The following PSD3 variants were observed in gnomAD, a reference collection of about 807,000 sequenced individuals.
The protein encoded by PSD3 is pleckstrin and Sec7 domain containing 3.
A neutral mutation model predicts 105.5 loss-of-function variants in PSD3; 49 were observed. The ratio of observed to expected loss-of-function variants is 0.46; its 90% CI spans 0.37 to 0.59. PSD3 has a LOEUF of 0.59. Among genes scored for constraint, PSD3 ranks in the 20% least tolerant of loss-of-function variants. The pLI is 0.00. For missense variants in PSD3, 1,561 were observed against 1,263.8 expected, an observed-to-expected ratio of 1.24 and a Z score of -3.57; for synonymous variants, 557 against 457.8, an observed-to-expected ratio of 1.22 and a Z score of -2.77.
At chr8:19,062,212 G>C (rs992535312) in intron 1 of PSD3, among the ~76,000 whole-genome samples, 22 of 152,220 alleles carry the variant, frequency 1.4e-4, no homozygotes, top group African/African-American at 5.3e-4. Flanking sequence ...TAAGGACATA[G>C]AATTAGAGGG....
At chr8:18,733,153 T>C (rs1803892639) in intron 9 of PSD3, 2 of 152,176 alleles carry the variant, frequency 1.3e-5, no homozygotes, top group African/African-American at 4.8e-5. Flanking sequence ...TTATGACTTT[T>C]GGCTCAATGT....
chr8:18,626,009 G>T (rs1036921536), intron 11 of PSD3, among the ~76,000 whole-genome samples: 1 of 151,736 alleles, frequency 6.6e-6, no homozygotes, highest in African/African-American at 2.4e-5. Context: ...GTTTTTTATT[G>T]TATCTGACAA....
At chr8:18,859,711 C>A (rs1816290144) in intron 4 of PSD3, among the ~76,000 whole-genome samples, 1 of 152,198 alleles carries the variant, frequency 6.6e-6, no homozygotes, top group Non-Finnish European at 1.5e-5. Context: ...TCATAAACCA[C>A]CCTCGGCTAG....
intron 11 of PSD3, among the ~76,000 whole-genome samples, chr8:18,602,981 G>A (rs780153452): frequency 3.2e-4 from 48 of 152,196 alleles, no homozygotes; most frequent in Admixed American, 1.2e-3. Context: ...TAATGAACTT[G>A]ATGAGAGGAA....
chr8:18,758,216 G>C (rs1442409820), intron 9 of PSD3, among the ~76,000 whole-genome samples: 1 of 152,114 alleles, frequency 6.6e-6, no homozygotes, highest in Non-Finnish European at 1.5e-5. Flanking sequence ...CGATAATCAG[G>C]AAGTAAAGAT....
intron 10 of PSD3, among the ~76,000 whole-genome samples, chr8:18,641,612 CAA>C (rs1240994619): frequency 6.6e-6 from 1 of 152,068 alleles, no homozygotes; most frequent in African/African-American, 2.4e-5. Context: ...CACAAGTGTG[CAA>C]AGTTACAAAC....
chr8:18,540,565 G>A (rs1800098621), intron 15 of PSD3, among the ~76,000 whole-genome samples: 3 of 152,132 alleles, frequency 2.0e-5, no homozygotes, highest in South Asian at 4.1e-4. Context: ...CAGTCAGCAG[G>A]TTTTGTCCAT....
At chr8:18,822,275 A>T (rs1812806970) in intron 4 of PSD3, among the ~76,000 whole-genome samples, 1 of 152,146 alleles carries the variant, frequency 6.6e-6, no homozygotes, top group African/African-American at 2.4e-5. Flanking sequence ...TCCTAAGAAG[A>T]AGTATGATGC....
intron 1 of PSD3, among the ~76,000 whole-genome samples, chr8:19,042,791 A>G (rs1229895412): frequency 6.6e-6 from 1 of 152,198 alleles, no homozygotes; most frequent in East Asian, 1.9e-4. Context: ...CAAAAGTTCA[A>G]TTCTCTCCCT....
chr8:18,567,181 C>T (rs569394645), intron 14 of PSD3, among the ~76,000 whole-genome samples: 2 of 152,078 alleles, frequency 1.3e-5, no homozygotes, highest in African/African-American at 2.4e-5. Flanking sequence ...TTTTATAGAA[C>T]TGAATGTGAG....
At chr8:19,029,605 G>T (rs1259930326) in intron 1 of PSD3, among the ~76,000 whole-genome samples, 1 of 152,100 alleles carries the variant, frequency 6.6e-6, no homozygotes, top group Non-Finnish European at 1.5e-5. Flanking sequence ...TGAGAACTCA[G>T]TATCAAGAGA....
At chr8:18,737,892 C>A (rs150823523) in intron 9 of PSD3, among the ~76,000 whole-genome samples, 1 of 152,204 alleles carries the variant, frequency 6.6e-6, no homozygotes, top group East Asian at 1.9e-4. Context: ...TGCAAGTATG[C>A]CCTTGCACAG....
In PSD3 at chr8:18,915,579, T is replaced by C. The variant is rs913144473; in HGVS notation, c.130+20455A>G. The stretch of plus-strand genomic sequence containing the variant: ...TATGGGCAAAGGACTGAAACAGACA[T>C]GTCTCAAAAGAAGACATACAAATGG... On this transcript the variant is annotated intron_variant, in intron 2 of 15. Transcript: ENST00000327040. Among the ~76,000 whole-genome samples the C allele has an allele frequency of 3.9e-5, 6 of 152,284 alleles. No homozygotes were observed. In the East Asian group the frequency reaches 1.2e-3, roughly 29 times the overall value.
intron 2 of PSD3, among the ~76,000 whole-genome samples, chr8:18,931,296 GT>G (rs1457065699): frequency 6.6e-6 from 1 of 151,828 alleles, no homozygotes; most frequent in African/African-American, 2.4e-5. Context: ...ACTGCAAGGA[GT>G]CATGTATCTA....
At chr8:18,982,243 G>T (rs1825283298) in intron 1 of PSD3, among the ~76,000 whole-genome samples, 1 of 152,222 alleles carries the variant, frequency 6.6e-6, no homozygotes, top group Admixed American at 6.5e-5. Context: ...TAGTAATTCA[G>T]TCATATCATC....
chr8:18,820,996 T>C (rs550799054), intron 4 of PSD3, among the ~76,000 whole-genome samples: 1 of 152,278 alleles, frequency 6.6e-6, no homozygotes, highest in East Asian at 1.9e-4. Context: ...GTAATTCTCC[T>C]ACCCCAGCCT....
At chr8:18,993,326 C>T (rs1825905183) in intron 1 of PSD3, among the ~76,000 whole-genome samples, 1 of 152,174 alleles carries the variant, frequency 6.6e-6, no homozygotes, top group African/African-American at 2.4e-5. Flanking sequence ...TTTTTCACCA[C>T]TCACATACCT....
intron 9 of PSD3, among the ~76,000 whole-genome samples, chr8:18,676,142 T>C (rs1800052677): frequency 6.6e-6 from 1 of 152,196 alleles, no homozygotes; most frequent in African/African-American, 2.4e-5. Flanking sequence ...CTTTTTCCTT[T>C]CCCTGGATTC....
chr8:18,811,330 C>A, intron 4 of PSD3, among the ~76,000 whole-genome samples: 1 of 152,156 alleles, frequency 6.6e-6, no homozygotes, highest in Non-Finnish European at 1.5e-5. Context: ...CAGTCATCTT[C>A]TGGTATGTCT....
Sources: gnomAD v4.1 joint callset for allele counts (sites outside exome capture counted in the v4.1 genomes callset) on GRCh38, gnomAD v4.1.1 for gene constraint, MANE v1.5 for transcripts, NCBI Gene and HGNC (gene_info 2026-07-23, HGNC 2026-07-21) for gene names.